The following FOXP1 variants were observed in gnomAD, a reference collection of about 807,000 sequenced individuals.
FOXP1 encodes forkhead box P1, also known as forkhead box protein P1.
Under a neutral mutation model 98.2 loss-of-function variants are expected in FOXP1, and 15 were observed. The observed-to-expected ratio is 0.15, with a 90% CI of 0.10 to 0.24. The LOEUF is 0.24. FOXP1 is among the 10% of genes least tolerant of loss of function. The pLI, the probability that FOXP1 is intolerant of heterozygous loss-of-function variation, is 1.00. For missense variants in FOXP1, 633 were observed against 848.5 expected, an observed-to-expected ratio of 0.75 and a Z score of 3.15; for synonymous variants, 371 against 314.5, an observed-to-expected ratio of 1.18 and a Z score of -1.90.
Position 71,291,681 on chromosome 3 carries a change from T to G in FOXP1, c.-12+8139A>C, listed in dbSNP as rs1033650207. Among the ~76,000 whole-genome samples the G allele has an allele frequency of 9.9e-5, 15 of 152,222 alleles. No individual in the cohort carries two copies. In the South Asian group the frequency reaches 1.0e-3, roughly 11 times the overall value. On this transcript the variant is annotated intron_variant, in intron 5 of 20. Coordinates refer to ENST00000649528, the MANE Select transcript of FOXP1 (RefSeq NM_001349338.3). ...ACCACATGTGACATATTCTGATTTT[T>G]TTATTTTACTGTATTGTATGCTTAT...
chr3:71,215,709 T>C (rs547498221), intron 5 of FOXP1, among the ~76,000 whole-genome samples: 2 of 152,314 alleles, frequency 1.3e-5, no homozygotes, highest in East Asian at 3.9e-4. Context: ...ATGAGGACTA[T>C]AACATCAATA....
chr3:71,519,934 G>C (rs1421386391), intron 2 of FOXP1, among the ~76,000 whole-genome samples: 4 of 152,250 alleles, frequency 2.6e-5, no homozygotes, highest in African/African-American at 9.6e-5. Flanking sequence ...CATGTTAAGT[G>C]AGGCAAACAC....
chr3:71,093,125 G>C (rs1274175266), intron 7 of FOXP1, among the ~76,000 whole-genome samples: 1 of 151,900 alleles, frequency 6.6e-6, no homozygotes, highest in African/African-American at 2.4e-5. Context: ...GCCGGGCATA[G>C]TGGCACACGC....
chr3:71,050,011 G>GATGAC (rs996670809), intron 9 of FOXP1, among the ~76,000 whole-genome samples: 10 of 152,250 alleles, frequency 6.6e-5, no homozygotes, highest in African/African-American at 2.4e-4. Context: ...CTGGGAAGTG[G>GATGAC]ATGACAAAGC....
chr3:71,013,397 C>A (rs371892811), intron 12 of FOXP1, among the ~76,000 whole-genome samples: 1 of 152,252 alleles, frequency 6.6e-6, no homozygotes, highest in East Asian at 1.9e-4. Flanking sequence ...AGTGCATATG[C>A]AATTGCTTCA....
intron 2 of FOXP1, among the ~76,000 whole-genome samples, chr3:71,515,453 A>T (rs77389321): frequency 6.6e-6 from 1 of 150,458 alleles, no homozygotes; most frequent in South Asian, 2.1e-4. Flanking sequence ...AAAAAAAAAA[A>T]CTGCACATTT....
chr3:71,250,763 T>G (rs2068120694), intron 5 of FOXP1, among the ~76,000 whole-genome samples: 1 of 152,158 alleles, frequency 6.6e-6, no homozygotes, highest in South Asian at 2.1e-4. Flanking sequence ...AAACCCCATC[T>G]TTACTAAAAT....
chr3:71,095,631 A>G (rs997567462), intron 7 of FOXP1, among the ~76,000 whole-genome samples: 8 of 152,108 alleles, frequency 5.3e-5, no homozygotes, highest in African/African-American at 9.7e-5. Flanking sequence ...TTTAAATAAC[A>G]TTTAGGCTGC....
At chr3:71,183,690 T>A (rs2108296407) in intron 6 of FOXP1, among the ~76,000 whole-genome samples, 1 of 152,298 alleles carries the variant, frequency 6.6e-6, no homozygotes, top group East Asian at 1.9e-4. Context: ...GGCAGAGCCA[T>A]GACTCAGGCC....
intron 11 of FOXP1, among the ~76,000 whole-genome samples, chr3:71,035,536 T>C (rs999210004): frequency 6.6e-6 from 1 of 152,122 alleles, no homozygotes; most frequent in African/African-American, 2.4e-5. Flanking sequence ...AAGGAAGCAG[T>C]GGGCTGGATT....
chr3:71,518,613 G>C (rs1433716984), intron 2 of FOXP1, among the ~76,000 whole-genome samples: 1 of 152,062 alleles, frequency 6.6e-6, no homozygotes, highest in African/African-American at 2.4e-5. Context: ...TTCTCAAGTT[G>C]GCAGACTTGG....
chr3:71,348,561 G>A (rs574324793), intron 4 of FOXP1, among the ~76,000 whole-genome samples: 30 of 140,722 alleles, frequency 2.1e-4, no homozygotes, highest in Non-Finnish European at 3.1e-4. Context: ...GTGCGCGCGC[G>A]CACGCATATG....
intron 3 of FOXP1, among the ~76,000 whole-genome samples, chr3:71,443,870 T>A (rs1391018672): frequency 1.3e-5 from 2 of 152,150 alleles, no homozygotes; most frequent in Non-Finnish European, 2.9e-5. Context: ...CAAAATAACC[T>A]CTTCAACAGA....
intron 12 of FOXP1, among the ~76,000 whole-genome samples, chr3:71,008,626 AACAGGG>A (rs1466678522): frequency 6.6e-6 from 1 of 152,182 alleles, no homozygotes; most frequent in East Asian, 1.9e-4. Flanking sequence ...TTTCAGAAGA[AACAGGG>A]AAATAAATGC....
chr3:71,238,823 C>T (rs531066252), intron 5 of FOXP1, among the ~76,000 whole-genome samples: 2 of 152,126 alleles, frequency 1.3e-5, no homozygotes, highest in Non-Finnish European at 2.9e-5. Context: ...AAGGGAGGGA[C>T]CCGGGAAGAG....
Position 71,583,671 on chromosome 3 carries a change from C to A in FOXP1, c.-547G>T. On this transcript the variant is annotated 5_prime_UTR_variant, in exon 1 of 21. Coordinates refer to ENST00000649528, the MANE Select transcript of FOXP1 (RefSeq NM_001349338.3). Reference sequence around the variant, plus strand: ...CGCGCACCCCGCGCACACACTCACTCGCGCACACACGCGCGCACACACGCA... The same window carrying A: ...CGCGCACCCCGCGCACACACTCACTAGCGCACACACGCGCGCACACACGCA... The A allele has an allele frequency of 2.0e-6, 2 of 984,640 alleles. No individual in the cohort carries two copies. Among genetic ancestry groups the A allele is most frequent in the Non-Finnish European group, 2.4e-6 (2 of 829,794 alleles). The allele number at this position is 984,640 out of a possible 1,614,324, so 61.0% of individuals were successfully genotyped here.
intron 3 of FOXP1, among the ~76,000 whole-genome samples, chr3:71,466,745 C>T (rs985965813): frequency 6.6e-6 from 1 of 152,134 alleles, no homozygotes; most frequent in African/African-American, 2.4e-5. Flanking sequence ...AAGATATATC[C>T]GACCATCGGG....
chr3:71,408,164 T>A (rs1393721774), intron 3 of FOXP1, among the ~76,000 whole-genome samples: 1 of 152,186 alleles, frequency 6.6e-6, no homozygotes. Context: ...CAGGGGGGTT[T>A]GCAACTCGAA....
intron 2 of FOXP1, among the ~76,000 whole-genome samples, chr3:71,508,948 A>G (rs979290992): frequency 6.6e-6 from 1 of 152,164 alleles, no homozygotes; most frequent in Admixed American, 6.5e-5. Flanking sequence ...ACAAAAGGGG[A>G]AAATGTATGT....
Sources: allele counts gnomAD v4.1 joint callset (sites outside exome capture counted in the v4.1 genomes callset), GRCh38; gene constraint gnomAD v4.1.1; transcripts MANE v1.5; gene names NCBI Gene and HGNC (gene_info 2026-07-23, HGNC 2026-07-21).